AUTS2: variants seen among roughly 807,000 people sequenced by gnomAD.
The protein encoded by AUTS2 is autism susceptibility gene 2 protein.
AUTS2 carries 17 observed loss-of-function variants against 112.4 expected under a neutral mutation model. The observed-to-expected ratio is 0.15, with a 90% CI of 0.10 to 0.23. The LOEUF is 0.23. Among genes scored for constraint, AUTS2 ranks in the 10% least tolerant of loss-of-function variants. The pLI is 1.00. For synonymous variants in AUTS2, 751 were observed against 702.7 expected (o/e 1.07, Z -1.09); for missense variants, 1,510 against 1,701.6 (o/e 0.89, Z 1.98).
chr7:70,282,208 G>T (rs1788250797), intron 4 of AUTS2, among the ~76,000 whole-genome samples: 1 of 152,060 alleles, frequency 6.6e-6, no homozygotes, highest in Non-Finnish European at 1.5e-5. Flanking sequence ...TTTCTAGCAT[G>T]CACCTCAAAA....
intron 4 of AUTS2, among the ~76,000 whole-genome samples, chr7:70,244,262 A>T (rs771558526): frequency 2.6e-5 from 4 of 152,200 alleles, no homozygotes; most frequent in Non-Finnish European, 5.9e-5. Context: ...TGTAGATGTT[A>T]TATTCATTTG....
intron 1 of AUTS2, among the ~76,000 whole-genome samples, chr7:69,817,932 C>G (rs953633720): frequency 3.3e-5 from 5 of 152,130 alleles, no homozygotes; most frequent in Non-Finnish European, 7.4e-5. Flanking sequence ...CCTAGAGAGA[C>G]CCACAGCATG....
chr7:69,702,085 G>A (rs1235493426), intron 1 of AUTS2, among the ~76,000 whole-genome samples: 1 of 152,168 alleles, frequency 6.6e-6, no homozygotes, highest in African/African-American at 2.4e-5. Flanking sequence ...GTGCTTGTGA[G>A]GGACTTCGAG....
intron 1 of AUTS2, among the ~76,000 whole-genome samples, chr7:69,786,184 G>A (rs1789364115): frequency 6.6e-6 from 1 of 152,036 alleles, no homozygotes; most frequent in South Asian, 2.1e-4. Flanking sequence ...CTAAAGGATT[G>A]TAAATGCACC....
chr7:69,641,718 C>G (rs867149525), intron 1 of AUTS2, among the ~76,000 whole-genome samples: 59 of 152,268 alleles, frequency 3.9e-4, no homozygotes, highest in African/African-American at 1.4e-3. Flanking sequence ...TTAAGGAATT[C>G]AACAATTCTG....
chr7:69,922,467 A>T (rs1289499679), intron 2 of AUTS2, among the ~76,000 whole-genome samples: 1 of 152,236 alleles, frequency 6.6e-6, no homozygotes, highest in Non-Finnish European at 1.5e-5. Context: ...CTTTCTTAGC[A>T]CTTTTACTGT....
chr7:69,634,557 C>A (rs1794430078), intron 1 of AUTS2, among the ~76,000 whole-genome samples: 1 of 152,154 alleles, frequency 6.6e-6, no homozygotes, highest in Non-Finnish European at 1.5e-5. Context: ...CAACAGTTAT[C>A]TTGAAAATCT....
chr7:70,744,984 G>T (rs1315423080), intron 6 of AUTS2, among the ~76,000 whole-genome samples: 2 of 152,022 alleles, frequency 1.3e-5, no homozygotes, highest in African/African-American at 4.8e-5. Context: ...GTGATGCATT[G>T]CAGGCTCTCC....
At chr7:69,649,459 C>A (rs2129130844) in intron 1 of AUTS2, among the ~76,000 whole-genome samples, 1 of 152,192 alleles carries the variant, frequency 6.6e-6, no homozygotes, top group Admixed American at 6.5e-5. Context: ...TGCCAACAAC[C>A]CGTGGTCCAG....
At chr7:70,114,761 A>G (rs1385899115) in intron 2 of AUTS2, among the ~76,000 whole-genome samples, 1 of 152,066 alleles carries the variant, frequency 6.6e-6, no homozygotes, top group African/African-American at 2.4e-5. Context: ...AGATGGCACC[A>G]TTGCACTCCA....
chr7:70,141,065 G>T (rs1247200659), intron 4 of AUTS2, among the ~76,000 whole-genome samples: 4 of 152,192 alleles, frequency 2.6e-5, no homozygotes, highest in Non-Finnish European at 4.4e-5. Flanking sequence ...AATGTAGCAG[G>T]CTTAAATTGT....
intron 3 of AUTS2, among the ~76,000 whole-genome samples, chr7:70,123,860 A>G (rs980179934): frequency 6.6e-6 from 1 of 152,138 alleles, no homozygotes; most frequent in African/African-American, 2.4e-5. Context: ...TTCTGGGTTT[A>G]TATCCAGTAA....
At chr7:70,004,888 G>A (rs7800317) in intron 2 of AUTS2, among the ~76,000 whole-genome samples, 37,832 of 151,434 alleles carry the variant, frequency 0.25, 4,718 homozygotes, top group Middle Eastern at 0.33. Context: ...GCAATGACAT[G>A]GTCTCGGTTC....
chr7:70,101,870 GACAATATAGTCTCTTACT>G (rs1289932870), intron 2 of AUTS2, among the ~76,000 whole-genome samples: 1 of 152,050 alleles, frequency 6.6e-6, no homozygotes, highest in South Asian at 2.1e-4. Context: ...CCATTGCTGT[GACAATATAGTCTCTTACT>G]CTTTTATCAA....
intron 5 of AUTS2, among the ~76,000 whole-genome samples, chr7:70,514,226 A>G (rs1799321934): frequency 1.3e-5 from 2 of 152,358 alleles, no homozygotes; most frequent in South Asian, 2.1e-4. Flanking sequence ...TAATATAATG[A>G]CGAAGTCCAC....
At chr7:70,396,357 A>C (rs146941591) in intron 4 of AUTS2, among the ~76,000 whole-genome samples, 4,074 of 151,576 alleles carry the variant, frequency 0.027, 80 homozygotes, top group Middle Eastern at 0.093. Context: ...GTGCTCTCAC[A>C]TTCTGTATAA....
At chr7:70,411,530 C>T (rs934138108) in intron 4 of AUTS2, among the ~76,000 whole-genome samples, 38 of 151,980 alleles carry the variant, frequency 2.5e-4, no homozygotes, top group African/African-American at 9.2e-4. Flanking sequence ...TTATCAAGTA[C>T]TGTGATACTG....
At chr7:70,544,491 G>A (rs945934852) in intron 5 of AUTS2, among the ~76,000 whole-genome samples, 1 of 152,088 alleles carries the variant, frequency 6.6e-6, no homozygotes, top group Non-Finnish European at 1.5e-5. Context: ...GACCATCACA[G>A]GCATCAGGAA....
At chr7:70,519,058 T>G (rs1292392209) in intron 5 of AUTS2, among the ~76,000 whole-genome samples, 18 of 152,086 alleles carry the variant, frequency 1.2e-4, no homozygotes, top group Non-Finnish European at 2.2e-4. Context: ...CTTTTCTCCA[T>G]TAAAAAAAAA....
Sources: allele counts gnomAD v4.1 joint callset (sites outside exome capture counted in the v4.1 genomes callset), GRCh38; gene constraint gnomAD v4.1.1; transcripts MANE v1.5; gene names NCBI Gene and HGNC (gene_info 2026-07-23, HGNC 2026-07-21).